Variants in VAV2 observed in about 807,000 individuals in gnomAD.
VAV2 encodes the protein vav guanine nucleotide exchange factor 2, also known as guanine nucleotide exchange factor VAV2.
A neutral mutation model predicts 132.5 loss-of-function variants in VAV2; 67 were observed. That is an observed-to-expected ratio of 0.51 (90% CI 0.42 to 0.62). The LOEUF (loss-of-function observed/expected upper bound fraction) is 0.62, where lower values mean the gene tolerates loss of function less well. Ranked by LOEUF, VAV2 falls within the 20% of genes least tolerant of loss-of-function variation. The pLI is 0.00. For missense variants in VAV2, 938 were observed against 1,153.6 expected, an observed-to-expected ratio of 0.81 and a Z score of 2.71; for synonymous variants, 492 against 443.5, an observed-to-expected ratio of 1.11 and a Z score of -1.37.
In VAV2 at chr9:133,918,281, C is replaced by T. The variant is rs1840171894; in HGVS notation, c.321+20822G>A. Among the ~76,000 whole-genome samples the T allele has an allele frequency of 6.6e-6, 1 of 152,136 alleles. No homozygotes were observed. Among genetic ancestry groups the T allele is most frequent in the South Asian group, 2.1e-4 (1 of 4,828 alleles). ...TTTAAACAAAGGAGCGCACTCTCTGCGGCGGCAGAAAAGCGAACCAGAGAG... is the reference window on the plus strand; with the variant it reads ...TTTAAACAAAGGAGCGCACTCTCTGTGGCGGCAGAAAAGCGAACCAGAGAG... On this transcript the variant is annotated intron_variant, in intron 2 of 29. Coordinates refer to ENST00000371850, the MANE Select transcript of VAV2 (RefSeq NM_001134398.2). This position sits in a 1 kb window ranked among gnomAD's most constrained non-coding sequence, Gnocchi z 4.7.
At chr9:133,980,560 G>A (rs1193079028) in intron 1 of VAV2, among the ~76,000 whole-genome samples, 2 of 152,150 alleles carry the variant, frequency 1.3e-5, no homozygotes, top group Admixed American at 1.3e-4. Context: ...CCAGCCATGG[G>A]GCATGGCCAC....
rs1254799221 is a variant in VAV2 at position 133,794,631 on chromosome 9, A to C, written c.1101+1037T>G. ...GGGGGCTGCCCAGAGGGCAGGGGCC[A>C]GGTGTCAGAGGGCAGGACTGCAGCC... On this transcript the variant is annotated intron_variant, in intron 12 of 29. Coordinates refer to ENST00000371850, the MANE Select transcript of VAV2 (RefSeq NM_001134398.2). This position sits in a 1 kb window ranked among gnomAD's most constrained non-coding sequence, Gnocchi z 4.6. 6.6e-6 allele frequency among the ~76,000 whole-genome samples: 1 copy of C among 152,184 alleles called. No homozygotes were observed. The highest frequency in any genetic ancestry group is 2.4e-5 in the African/African-American group (1 of 41,452).
rs200034169 is a variant in VAV2, at chr9:133,787,034, C to T, written c.1422+212G>A. 3.3e-5 allele frequency among the ~76,000 whole-genome samples: 5 copies of T among 152,200 alleles called. No homozygotes were observed. The South Asian group carries it at 6.2e-4, about 19-fold the overall frequency. On this transcript the variant is annotated intron_variant, in intron 16 of 29. Coordinates refer to ENST00000371850, the MANE Select transcript of VAV2 (RefSeq NM_001134398.2). ...CCCGAGCTCCAGGGACTGAGGATCA[C>T]GGAGTTTTCCTTTCACACTGTCTTA... is the stretch of plus-strand genomic sequence containing the variant.
Position 133,768,775 on chromosome 9 carries a change from C to A in VAV2, c.2435-179G>T, listed in dbSNP as rs1368177627. On this transcript the variant is annotated intron_variant, in intron 28 of 29. Transcript: ENST00000371850. The surrounding 1 kb of genome is among the most constrained non-coding windows in gnomAD (Gnocchi z 5.3). ...GACACACTGGCCTCCAATCCCAGGG[C>A]CCCTTGCCCTCTGGGTCTGGGGACA... Among the ~76,000 whole-genome samples the A allele has an allele frequency of 6.6e-6, 1 of 152,082 alleles. No individual in the cohort carries two copies. Among genetic ancestry groups the A allele is most frequent in the Non-Finnish European group, 1.5e-5 (1 of 68,024 alleles).
intron 15 of VAV2, 46 bp from the exon 16 acceptor site, chr9:133,787,306 G>A (rs748267052): frequency 3.9e-6 from 6 of 1,539,462 alleles, no homozygotes; most frequent in African/African-American, 1.4e-5. Context: ...GTCAGTGAGA[G>A]GCTAAGCCCG....
At chr9:133,970,961 G>T (rs541950823) in intron 1 of VAV2, among the ~76,000 whole-genome samples, 2 of 152,322 alleles carry the variant, frequency 1.3e-5, no homozygotes, top group South Asian at 4.1e-4. Context: ...AGGTTCATTT[G>T]CATGAGAAGG....
At chr9:133,897,612 C>A (rs915559350) in intron 2 of VAV2, among the ~76,000 whole-genome samples, 3 of 152,114 alleles carry the variant, frequency 2.0e-5, no homozygotes, top group Non-Finnish European at 4.4e-5. Context: ...ACCTCCGCAG[C>A]AACACAGGCC....
At chr9:133,888,190 G>C (rs183908073) in intron 2 of VAV2, among the ~76,000 whole-genome samples, 2 of 152,346 alleles carry the variant, frequency 1.3e-5, no homozygotes, top group East Asian at 3.9e-4. Context: ...CAGAAGTGGG[G>C]AGCCAGGGGC....
chr9:133,788,216 G>A lies in VAV2; in HGVS notation c.1407+138C>T, dbSNP rs1356415345. On this transcript the variant is annotated intron_variant, in intron 15 of 29. Coordinates refer to ENST00000371850, the MANE Select transcript of VAV2 (RefSeq NM_001134398.2). This position sits in a 1 kb window ranked among gnomAD's most constrained non-coding sequence, Gnocchi z 5.3. ...TCAGAGAGGAGCCTTCCTGCAGAGC[G>A]GAGACGCCCACCCCAACCCACCCGG... The A allele has an allele frequency of 2.6e-6, 3 of 1,138,070 alleles. No homozygotes were observed. Among genetic ancestry groups the A allele is most frequent in the Admixed American group, 2.2e-5 (1 of 45,940 alleles). The allele number at this position is 1,138,070 out of a possible 1,614,324, so 70.5% of individuals were successfully genotyped here. A position where few individuals can be genotyped will look rare whatever the true frequency, so the allele number is the denominator to read the frequency against.
In VAV2 at chr9:133,873,269, G is replaced by A. The variant is rs12555094; in HGVS notation, c.322-11837C>T. Among the ~76,000 whole-genome samples, 1,258 of 152,242 alleles carry A rather than the reference G, an allele frequency of 8.3e-3. 35 individuals are homozygous for A. Among genetic ancestry groups the A allele is most frequent in the Admixed American group, 0.054 (833 of 15,288 alleles). On this transcript the variant is annotated intron_variant, in intron 2 of 29. Coordinates refer to ENST00000371850, the MANE Select transcript of VAV2 (RefSeq NM_001134398.2). ...ACAGAGGCTCAGACCAGGACATTAC[G>A]CCAGAGCTGGGATCAAGTCCTAAGC... is the stretch of plus-strand genomic sequence containing the variant.
At chr9:133,795,078 C>T (rs143157643) in intron 12 of VAV2, among the ~76,000 whole-genome samples, 20 of 152,266 alleles carry the variant, frequency 1.3e-4, no homozygotes, top group Middle Eastern at 3.4e-3. Context: ...AACACAGCTG[C>T]GACATCAGGG....
At chr9:133,791,912 G>GGT in intron 12 of VAV2, 43 bp from the exon 13 acceptor site, 1 of 1,525,110 alleles carries the variant, frequency 6.6e-7, no homozygotes. Context: ...TGCTGGGTGG[G>GGT]GTGTGTGTGA....
intron 1 of VAV2, among the ~76,000 whole-genome samples, chr9:133,976,041 AAAAG>A (rs765538986): frequency 1.4e-4 from 17 of 121,488 alleles, no homozygotes; most frequent in African/African-American, 1.7e-4. Context: ...ACTAAAAAAA[AAAAG>A]AAAATACAAA....
In VAV2 at chr9:133,992,105, CT is replaced by C. The variant is rs745470662; in HGVS notation, c.173del (p.Lys58ArgfsTer15). 1.7e-5 allele frequency: 27 copies of C among 1,590,118 alleles called. No individual in the cohort carries two copies. Among genetic ancestry groups the C allele is most frequent in the Non-Finnish European group, 2.3e-5 (27 of 1,169,436 alleles). ...ACATCTGCGGCCGGAAGTTGATGTC[CT>C]TGAGGTCGATGGAGCCGGGGGAGAG... ...HNLSPGSIDL[K>X]DINFRPQMSQ... is the part of the protein sequence containing the mutation. On this transcript the variant is annotated frameshift_variant, in exon 1 of 30. Coordinates refer to ENST00000371850, the MANE Select transcript of VAV2 (RefSeq NM_001134398.2). LOFTEE classifies it high-confidence loss of function. The surrounding 1 kb of genome is among the most constrained non-coding windows in gnomAD (Gnocchi z 5.5).
chr9:133,848,104 C>T (rs1306876874), intron 3 of VAV2, among the ~76,000 whole-genome samples: 1 of 151,828 alleles, frequency 6.6e-6, no homozygotes, highest in East Asian at 1.9e-4. Context: ...GGTGAAACCC[C>T]GTCTCTACTA....
At position 133,919,819 on chromosome 9, in the gene VAV2, G is replaced by C. The variant is rs1345388548; in HGVS notation, c.321+19284C>G. 6.6e-6 allele frequency among the ~76,000 whole-genome samples: 1 copy of C among 152,156 alleles called. No homozygotes were observed. Among genetic ancestry groups the C allele is most frequent in the African/African-American group, 2.4e-5 (1 of 41,444 alleles). ...ATGGAAGGTCCCCGCTGCCCCGACTGTCCCTGCCGCCCCGGCCACCCCTGC... is the reference window on the plus strand; with the variant it reads ...ATGGAAGGTCCCCGCTGCCCCGACTCTCCCTGCCGCCCCGGCCACCCCTGC... On this transcript the variant is annotated intron_variant, in intron 2 of 29. Coordinates refer to ENST00000371850, the MANE Select transcript of VAV2 (RefSeq NM_001134398.2). The surrounding 1 kb of genome is among the most constrained non-coding windows in gnomAD (Gnocchi z 5.8).
At chr9:133,889,073 C>A (rs959684520) in intron 2 of VAV2, among the ~76,000 whole-genome samples, 1 of 152,174 alleles carries the variant, frequency 6.6e-6, no homozygotes, top group Admixed American at 6.5e-5. Context: ...GAGGCAGGTC[C>A]GGCAGGGATC....
At chr9:133,783,018 A>G (rs978819592) in intron 19 of VAV2, among the ~76,000 whole-genome samples, 11 of 152,194 alleles carry the variant, frequency 7.2e-5, no homozygotes, top group Admixed American at 2.0e-4. Context: ...GCATGAACAG[A>G]AGGGAACCAC....
rs577453732 is a variant in VAV2, at chr9:133,806,113, C to A, written c.804G>T (p.Thr268=). 1.7e-5 allele frequency: 27 copies of A among 1,613,026 alleles called. No individual in the cohort carries two copies. Among genetic ancestry groups the A allele is most frequent in the Non-Finnish European group, 1.9e-5 (23 of 1,179,942 alleles). Residue 268 remains threonine, a synonymous_variant, in exon 9 of 30, where the codon ACG becomes ACT. Transcript: ENST00000371850. ...IDVSVMVGGS[T]LAKVFLDFKE... is the part of the protein sequence containing the mutation. ...TGAAATCGAGGAAGACCTTGGCCAGCGTGCTGCCCCCCACCATCACGGACA... is the reference window on the plus strand; with the variant it reads ...TGAAATCGAGGAAGACCTTGGCCAGAGTGCTGCCCCCCACCATCACGGACA...
Sources: gnomAD v4.1 joint callset for allele counts (sites outside exome capture counted in the v4.1 genomes callset) on GRCh38, gnomAD v4.1.1 for gene constraint, Gnocchi (gnomAD v3.1) non-coding constraint, MANE v1.5 for transcripts, NCBI Gene and HGNC (gene_info 2026-07-23, HGNC 2026-07-21) for gene names.